Variants in CLCN2 observed in about 807,000 individuals in gnomAD.
CLCN2 encodes the protein chloride voltage-gated channel 2.
Under a neutral mutation model 108.3 loss-of-function variants are expected in CLCN2, and 72 were observed. That is an observed-to-expected ratio of 0.66 (90% CI 0.55 to 0.81). The LOEUF (loss-of-function observed/expected upper bound fraction) is 0.81, where lower values mean the gene tolerates loss of function less well. Among genes scored for constraint, CLCN2 ranks in the 30% least tolerant of loss-of-function variants. CLCN2 has a pLI of 0.00. For synonymous variants in CLCN2, 471 were observed against 467.1 expected, an observed-to-expected ratio of 1.01 and a Z score of -0.11; for missense variants, 1,048 against 1,205.2, an observed-to-expected ratio of 0.87 and a Z score of 1.93.
chr3:184,359,734 G>A (rs1418952659), intron 1 of CLCN2, among the ~76,000 whole-genome samples: 1 of 152,202 alleles, frequency 6.6e-6, no homozygotes, highest in Non-Finnish European at 1.5e-5. Flanking sequence ...CTCTCACTTA[G>A]GGTGGGTGGA....
chr3:184,357,545 C>A (rs1349712723), intron 7 of CLCN2, 58 bp from the exon 8 acceptor site: 40 of 1,613,912 alleles, frequency 2.5e-5, no homozygotes, highest in Non-Finnish European at 3.0e-5. Context: ...GGCCTCAGAC[C>A]CAGATAAGAG....
At chr3:184,353,998 C>A (rs2108565179) in intron 15 of CLCN2, 103 bp downstream of exon 15, 1 of 1,403,174 alleles carries the variant, frequency 7.1e-7, no homozygotes. Context: ...GGCTCATCTC[C>A]CAGCTTCGTA....
At position 184,355,224 on chromosome 3, in the gene CLCN2, G is replaced by T. The variant is rs1394197755; in HGVS notation, c.1326+150C>A. ...CTGTGTGACTTTGGGCCAGCTACTTGTGTTTCGACTCCCCCATCTTTCAAA... is the reference window on the plus strand; with the variant it reads ...CTGTGTGACTTTGGGCCAGCTACTTTTGTTTCGACTCCCCCATCTTTCAAA... On this transcript the variant is annotated intron_variant, in intron 12 of 23. Coordinates refer to ENST00000265593, the MANE Select transcript of CLCN2 (RefSeq NM_004366.6). This position sits in a 1 kb window ranked among gnomAD's most constrained non-coding sequence, Gnocchi z 6.3. 11 of 928,270 alleles carry T rather than the reference G, an allele frequency of 1.2e-5. No individual in the cohort carries two copies. The highest frequency in any genetic ancestry group is 3.9e-5 in the Admixed American group (2 of 51,448). 57.5% of individuals were successfully genotyped at this position (928,270 alleles called of 1,614,324 possible). A position where few individuals can be genotyped will look rare whatever the true frequency, so the allele number is the denominator to read the frequency against.
chr3:184,346,794 T>G lies in CLCN2; in HGVS notation c.2509A>C (p.Lys837Gln). ...IGIVTLKELR[K>Q]AIEGSVTAQG... ...GCTGTGACAGAGCCCTCGATGGCCT[T>G]CCGGAGCTGGAAAGGTGAGAGGGAC... The change falls in exon 24 of 24, where the codon AAG (lysine) becomes CAG (glutamine). Residue 837 changes from lysine (K) to glutamine (Q), a missense_variant. Physicochemically the swap from Lys to Gln is moderately conservative, Grantham distance 53. Transcript: ENST00000265593. This position sits in a 1 kb window ranked among gnomAD's most constrained non-coding sequence, Gnocchi z 6.0. 6.2e-7 allele frequency: 1 copy of G among 1,614,042 alleles called. No individual in the cohort carries two copies.
intron 22 of CLCN2, chr3:184,347,264 T>C (rs1238048033): frequency 1.2e-5 from 7 of 567,856 alleles, no homozygotes; most frequent in Non-Finnish European, 2.2e-5. Context: ...GACGGAGAAA[T>C]AGGATGGGGG....
At position 184,361,304 on chromosome 3, in the gene CLCN2, G is replaced by A. The variant is rs918447247; in HGVS notation, c.63+113C>T. On this transcript the variant is annotated intron_variant, in intron 1 of 23. Coordinates refer to ENST00000265593, the MANE Select transcript of CLCN2 (RefSeq NM_004366.6). This position sits in a 1 kb window ranked among gnomAD's most constrained non-coding sequence, Gnocchi z 6.6. ...AGACTTCCAAGCCTCAGTTTCCCCA[G>A]CTCAAAATGCTAGGACAGGATTAGG... The A allele has an allele frequency of 8.7e-7, 1 of 1,152,498 alleles. No individual in the cohort carries two copies. The highest frequency in any genetic ancestry group is 1.3e-6 in the Non-Finnish European group (1 of 767,922). 71.4% of individuals were successfully genotyped at this position (1,152,498 alleles called of 1,614,324 possible).
At position 184,353,052 on chromosome 3, in the gene CLCN2, G is replaced by A. The variant is rs745370828; in HGVS notation, c.2124C>T (p.Asn708=). Residue 708 remains asparagine, a synonymous_variant, in exon 18 of 24, where the codon AAC becomes AAT. Coordinates refer to ENST00000265593, the MANE Select transcript of CLCN2 (RefSeq NM_004366.6). ...ALKRGPSVTR[N]LGESPTGSAE... ...GCTTACCTGTGGGACTCTCTCCGAGGTTCCTGGTGACACTGGGCCCCCTCT... is the reference window on the plus strand; with the variant it reads ...GCTTACCTGTGGGACTCTCTCCGAGATTCCTGGTGACACTGGGCCCCCTCT... The A allele has an allele frequency of 1.2e-5, 19 of 1,614,130 alleles. No individual in the cohort carries two copies. Among genetic ancestry groups the A allele is most frequent in the Middle Eastern group, 1.6e-4 (1 of 6,062 alleles).
Position 184,355,749 on chromosome 3 carries a change from A to G in CLCN2, c.1115T>C (p.Leu372Pro). ...GGGGAAGGTCAGCGTGGAGATGAGC[A>G]GGGTCACCAGAGCCGGGAAGAGCAG... ...KRLLFPALVT[L>P]LISTLTFPPG... The change falls in exon 11 of 24, where the codon CTG becomes CCG. Residue 372 changes from leucine (L) to proline (P), a missense_variant. Coordinates refer to ENST00000265593, the MANE Select transcript of CLCN2 (RefSeq NM_004366.6). The surrounding 1 kb of genome is among the most constrained non-coding windows in gnomAD (Gnocchi z 6.3). 1 of 1,614,216 alleles carries G rather than the reference A, an allele frequency of 6.2e-7. No homozygotes were observed. Among genetic ancestry groups the G allele is most frequent in the Non-Finnish European group, 8.5e-7 (1 of 1,180,032 alleles).
rs1313929254 is a variant in CLCN2 at position 184,353,279 on chromosome 3, G to T, written c.1999C>A (p.Pro667Thr). 1 of 1,613,970 alleles carries T rather than the reference G, an allele frequency of 6.2e-7. No homozygotes were observed. Among genetic ancestry groups the T allele is most frequent in the South Asian group, 1.1e-5 (1 of 91,088 alleles). ...AAGCAGACAGAAGCCTCAGGGGTAG[G>T]GGGACCCTCCTGATCAGATAGTGGA... Reference protein sequence around the residue: ...TSPLSDQEGPPTPEASVCFQV... With the variant: ...TSPLSDQEGPTTPEASVCFQV... The change falls in exon 17 of 24, where the codon CCT becomes ACT. Residue 667 changes from proline (P) to threonine (T), a missense_variant. Pro to Thr is a conservative substitution (Grantham distance 38, BLOSUM62 -1). Coordinates refer to ENST00000265593, the MANE Select transcript of CLCN2 (RefSeq NM_004366.6).
chr3:184,351,869 T>A (rs1265545894), intron 22 of CLCN2, 144 bp downstream of exon 22: 2 of 744,056 alleles, frequency 2.7e-6, no homozygotes, highest in Non-Finnish European at 4.9e-6. Context: ...CCAAGCAGTA[T>A]GTCTAAAAAA....
chr3:184,355,465 A>G lies in CLCN2; in HGVS notation c.1235T>C (p.Val412Ala), dbSNP rs1162900298. 6.2e-7 allele frequency: 1 copy of G among 1,614,032 alleles called. No individual in the cohort carries two copies. Among genetic ancestry groups the G allele is most frequent in the Non-Finnish European group, 8.5e-7 (1 of 1,179,952 alleles). ...DNRTWVRQGL[V>A]EELEPPSTSQ... Reference sequence around the variant, plus strand: ...GGTGCTGGGTGGTTCTAGCTCCTCCACCAGGCCCTGGCGGACCCACGTCCG... The same window carrying G: ...GGTGCTGGGTGGTTCTAGCTCCTCCGCCAGGCCCTGGCGGACCCACGTCCG... The change falls in exon 12 of 24, where the codon GTG becomes GCG. Residue 412 changes from valine (V) to alanine (A), a missense_variant. Transcript: ENST00000265593. The surrounding 1 kb of genome is among the most constrained non-coding windows in gnomAD (Gnocchi z 6.3).
At chr3:184,347,703 G>GT (rs1429699684) in intron 22 of CLCN2, 1 of 162,736 alleles carries the variant, frequency 6.1e-6, no homozygotes, top group Non-Finnish European at 1.4e-5. Flanking sequence ...CCTGAAGCAC[G>GT]CTATGCCTCT....
At chr3:184,354,461 C>A (rs1442389158) in intron 14 of CLCN2, 87 bp downstream of exon 14, 3 of 1,362,928 alleles carry the variant, frequency 2.2e-6, no homozygotes, top group Non-Finnish European at 3.1e-6. Flanking sequence ...CTGGTTTCTG[C>A]CAGCAGGGGG....
In CLCN2 at chr3:184,348,076, CACTT is replaced by C. The variant is rs1424087385; in HGVS notation, c.2416-1059_2416-1056del. 6.6e-5 allele frequency: 10 copies of C among 152,302 alleles called. No individual in the cohort carries two copies. In the East Asian group the frequency reaches 1.5e-3, roughly 23 times the overall value. 9.4% of individuals were successfully genotyped at this position (152,302 alleles called of 1,614,324 possible). A position where few individuals can be genotyped will look rare whatever the true frequency, so the allele number is the denominator to read the frequency against. On this transcript the variant is annotated intron_variant, in intron 22 of 23. Transcript: ENST00000265593. ...TCTTGTGTACCAATTACTCAGAACT[CACTT>C]AAATTGCCTTAACACTTTTTAAATG...
At chr3:184,350,561 A>G (rs964014823) in intron 22 of CLCN2, among the ~76,000 whole-genome samples, 1 of 151,942 alleles carries the variant, frequency 6.6e-6, no homozygotes, top group African/African-American at 2.4e-5. Context: ...TCAGCCTCCC[A>G]TGTAGCTGGG....
chr3:184,359,416 G>A (rs1228926971), intron 1 of CLCN2, among the ~76,000 whole-genome samples: 2 of 152,232 alleles, frequency 1.3e-5, no homozygotes, highest in Non-Finnish European at 2.9e-5. Context: ...GCACTGAAGA[G>A]GAGTGAGAGG....
In CLCN2 at chr3:184,352,484, A is replaced by G. The variant is rs747458694; in HGVS notation, c.2230T>C (p.Cys744Arg). 3.3e-5 allele frequency: 53 copies of G among 1,613,122 alleles called. No homozygotes were observed. Among genetic ancestry groups the G allele is most frequent in the Non-Finnish European group, 4.2e-5 (50 of 1,179,946 alleles). ...PEAASEKLES[C>R]EKRKLKRVRI... ...ACACGCTTCAGCTTGCGCTTCTCAC[A>G]GGATTCCAACTTCTTCAGTTTTGTT... is the stretch of plus-strand genomic sequence containing the variant. The change falls in exon 20 of 24, where the codon TGT becomes CGT. Residue 744 changes from cysteine to arginine, a missense_variant. Physicochemically the swap from Cys to Arg is radical, Grantham distance 180. Coordinates refer to ENST00000265593, the MANE Select transcript of CLCN2 (RefSeq NM_004366.6).
intron 1 of CLCN2, among the ~76,000 whole-genome samples, chr3:184,359,554 C>T (rs1036583966): frequency 6.6e-6 from 1 of 152,204 alleles, no homozygotes; most frequent in Non-Finnish European, 1.5e-5. Flanking sequence ...GAGCTCGGGG[C>T]AGCTGAGTTG....
rs374538551 is a variant in CLCN2, at chr3:184,353,621, T to C, written c.1855+41A>G. 7 of 1,609,978 alleles carry C rather than the reference T, an allele frequency of 4.3e-6. No homozygotes were observed. In the African/African-American group the frequency reaches 9.4e-5, roughly 22 times the overall value. On this transcript the variant is annotated intron_variant, in intron 16 of 23. Coordinates refer to ENST00000265593, the MANE Select transcript of CLCN2 (RefSeq NM_004366.6). The stretch of plus-strand genomic sequence containing the variant: ...CTGCCCCTTCCCGAAGCTTCGACCC[T>C]GGGCAATGCCCCTAGCACCTGGGAC...
Sources: allele counts gnomAD v4.1 joint callset (sites outside exome capture counted in the v4.1 genomes callset), GRCh38; gene constraint gnomAD v4.1.1; non-coding constraint Gnocchi (gnomAD v3.1); transcripts MANE v1.5; gene names NCBI Gene and HGNC (gene_info 2026-07-23, HGNC 2026-07-21).